Variants in COL4A6 observed in about 807,000 individuals in gnomAD.
COL4A6 encodes the protein collagen type IV alpha 6 chain.
In COL4A6, 59 loss-of-function variants were observed where a neutral mutation model predicts 126.7. The ratio of observed to expected loss-of-function variants is 0.47; its 90% CI spans 0.38 to 0.58. COL4A6 has a LOEUF of 0.58. COL4A6 is among the 20% of genes least tolerant of loss of function. COL4A6 has a pLI of 0.00. For synonymous variants in COL4A6, 547 were observed against 496.6 expected (o/e 1.10, Z -1.35); for missense variants, 1,285 against 1,337.3 (o/e 0.96, Z 0.61).
intron 2 of COL4A6, among the ~76,000 whole-genome samples, chrX:108,418,593 G>A (rs190268609): frequency 8.9e-6 from 1 of 112,189 alleles, no homozygotes; most frequent in African/African-American, 3.2e-5. Context: ...TATACCATAA[G>A]TAAAACTGGC....
upstream of COL4A6, chrX:108,439,300 G>A (rs947702557): frequency 1.8e-5 from 10 of 544,106 alleles, no homozygotes; most frequent in Admixed American, 8.9e-5. Context: ...AATGCTCCCA[G>A]ATCTTATACG....
intron 37 of COL4A6, among the ~76,000 whole-genome samples, chrX:108,165,894 A>G (rs750815737): frequency 1.8e-4 from 20 of 112,814 alleles, no homozygotes; most frequent in Non-Finnish European, 1.5e-4. Context: ...CTGATGCTGC[A>G]CAAAGGTTAC....
At chrX:108,181,022 T>C in intron 23 of COL4A6, 54 bp from the exon 24 acceptor site, 1 of 1,012,531 alleles carries the variant, frequency 9.9e-7, no homozygotes. Context: ...GGAAGATTTC[T>C]CCCTAGTACG....
chrX:108,389,473 C>A (rs1278644718), intron 2 of COL4A6, among the ~76,000 whole-genome samples: 2 of 107,031 alleles, frequency 1.9e-5, no homozygotes, highest in Non-Finnish European at 3.9e-5. Context: ...TATATAATGA[C>A]CTTCTTTCTC....
At chrX:108,354,160 CA>C (rs1261333495) in intron 2 of COL4A6, among the ~76,000 whole-genome samples, 5 of 103,127 alleles carry the variant, frequency 4.8e-5, no homozygotes, top group Admixed American at 3.1e-4. Context: ...GACTCCATCT[CA>C]AAAAAAAAAT....
chrX:108,201,103 A>G (rs139185459), intron 13 of COL4A6, among the ~76,000 whole-genome samples: 19 of 111,553 alleles, frequency 1.7e-4, no homozygotes, highest in Admixed American at 4.7e-4. Flanking sequence ...CTTTATTTCT[A>G]TGGAGTAATA....
intron 2 of COL4A6, among the ~76,000 whole-genome samples, chrX:108,352,441 A>C (rs2148038099): frequency 8.9e-6 from 1 of 112,404 alleles, no homozygotes; most frequent in Non-Finnish European, 1.9e-5. Flanking sequence ...TAATGGACAA[A>C]GAAACTGTAT....
chrX:108,323,306 C>CA (rs2039073136), intron 2 of COL4A6, among the ~76,000 whole-genome samples: 1 of 111,911 alleles, frequency 8.9e-6, no homozygotes, highest in African/African-American at 3.2e-5. Context: ...GGAAAAAAGA[C>CA]AAATATTTAG....
chrX:108,164,279 C>T (rs901522410), intron 40 of COL4A6, among the ~76,000 whole-genome samples: 7 of 111,167 alleles, frequency 6.3e-5, no homozygotes, highest in Admixed American at 9.5e-5. Flanking sequence ...ATGCAAAAGA[C>T]GGTTCTTTAT....
intron 2 of COL4A6, among the ~76,000 whole-genome samples, chrX:108,408,340 AG>A (rs2041249619): frequency 5.7e-5 from 1 of 17,532 alleles, no homozygotes; most frequent in Non-Finnish European, 1.9e-4. Flanking sequence ...AAAGAGAGAA[AG>A]AAAGAAAGAA....
chrX:108,428,350 T>C (rs1027625153), intron 2 of COL4A6, among the ~76,000 whole-genome samples: 2 of 112,085 alleles, frequency 1.8e-5, no homozygotes, highest in African/African-American at 6.5e-5. Context: ...TTCTCTCATC[T>C]TATCAAACAT....
intron 2 of COL4A6, among the ~76,000 whole-genome samples, chrX:108,423,849 CT>C (rs956601861): frequency 1.8e-5 from 2 of 111,559 alleles, no homozygotes; most frequent in African/African-American, 6.5e-5. Context: ...ACAGTCTTTA[CT>C]TTTAGTTTCT....
chrX:108,327,407 A>G (rs2039183304), intron 2 of COL4A6, among the ~76,000 whole-genome samples: 1 of 88,056 alleles, frequency 1.1e-5, no homozygotes. Flanking sequence ...GACATATCTC[A>G]TATGTCAGCA....
At chrX:108,420,448 T>C (rs955130149) in intron 2 of COL4A6, among the ~76,000 whole-genome samples, 2 of 111,574 alleles carry the variant, frequency 1.8e-5, no homozygotes, top group Admixed American at 1.9e-4. Flanking sequence ...AGTTGTTTGC[T>C]ATGACAGCAT....
In COL4A6 at chrX:108,201,276, C is replaced by T. The variant is rs999114500; in HGVS notation, c.834+1652G>A. ...CAGGCCTAGTCATCTTTGATTCATC[C>T]ATTTCCCACCTGATCCCTATTCCCA... On this transcript the variant is annotated intron_variant, in intron 13 of 44. Transcript: ENST00000334504. Among the ~76,000 whole-genome samples, 12 of 111,866 alleles carry T rather than the reference C, an allele frequency of 1.1e-4. No individual in the cohort carries two copies. In the East Asian group the frequency reaches 2.8e-3, roughly 26 times the overall value.
chrX:108,194,474 C>T (rs2035148133), intron 16 of COL4A6, 60 bp downstream of exon 16: 3 of 1,040,928 alleles, frequency 2.9e-6, no homozygotes, highest in Middle Eastern at 2.7e-4. Flanking sequence ...TATATACAGA[C>T]ATTTGTGGTA....
chrX:108,206,670 A>G, intron 8 of COL4A6, 90 bp from the exon 9 acceptor site: 1 of 758,365 alleles, frequency 1.3e-6, no homozygotes, highest in Non-Finnish European at 2.1e-6. Context: ...CTGTACAAGA[A>G]TGTTCATAGC....
At chrX:108,390,255 C>T (rs181584706) in intron 2 of COL4A6, among the ~76,000 whole-genome samples, 1,199 of 110,658 alleles carry the variant, frequency 0.011, 5 homozygotes, top group Non-Finnish European at 0.016. Flanking sequence ...CTCTGTATTT[C>T]CTGAATTTGA....
At chrX:108,390,075 G>A (rs2148167479) in intron 2 of COL4A6, among the ~76,000 whole-genome samples, 1 of 112,068 alleles carries the variant, frequency 8.9e-6, no homozygotes, top group East Asian at 2.8e-4. Flanking sequence ...CTTCTGGCTT[G>A]TAGGGTTTCT....
Sources: allele counts gnomAD v4.1 joint callset (sites outside exome capture counted in the v4.1 genomes callset), GRCh38; gene constraint gnomAD v4.1.1; transcripts MANE v1.5; gene names NCBI Gene and HGNC (gene_info 2026-07-23, HGNC 2026-07-21).